TLN2: variants seen among roughly 807,000 people sequenced by gnomAD.
The protein encoded by TLN2 is talin-2.
TLN2 carries 118 observed loss-of-function variants against 294.7 expected under a neutral mutation model. The ratio of observed to expected loss-of-function variants is 0.40; its 90% CI spans 0.34 to 0.47. The LOEUF is 0.47. TLN2 is among the 20% of genes least tolerant of loss of function. The pLI is 0.84. For synonymous variants in TLN2, 1,431 were observed against 1,304.5 expected (o/e 1.10, Z -2.09); for missense variants, 3,083 against 3,282.2 (o/e 0.94, Z 1.48).
Position 62,766,320 on chromosome 15 carries a change from G to A in TLN2, c.5095-1G>A. 6.2e-7 allele frequency: 1 copy of A among 1,610,806 alleles called. No individual in the cohort carries two copies. Among genetic ancestry groups the A allele is most frequent in the East Asian group, 2.2e-5 (1 of 44,756 alleles). On this transcript the variant is annotated splice_acceptor_variant, in intron 40 of 58. Transcript: ENST00000636159. LOFTEE classifies it high-confidence loss of function. ...GAACTTGACACTTCTCTCCTTATCA[G>A]GCCCTGCAGGAGCAGCTGACTTCGG...
At chr15:62,760,339 G>A (rs1005432863) in intron 37 of TLN2, among the ~76,000 whole-genome samples, 8 of 152,146 alleles carry the variant, frequency 5.3e-5, no homozygotes, top group South Asian at 2.1e-4. Flanking sequence ...TTCAGAAATC[G>A]CCTTCAAACC....
chr15:62,549,664 T>C (rs1379421233), intron 1 of TLN2, among the ~76,000 whole-genome samples: 1 of 152,208 alleles, frequency 6.6e-6, no homozygotes, highest in East Asian at 1.9e-4. Flanking sequence ...GTATATACTG[T>C]ATGTAGTGTG....
intron 3 of TLN2, among the ~76,000 whole-genome samples, chr15:62,642,068 T>A (rs1034323729): frequency 4.6e-5 from 7 of 152,230 alleles, no homozygotes; most frequent in Admixed American, 4.6e-4. Flanking sequence ...TTTCGTCAGC[T>A]CCGCTTCCAC....
At chr15:62,459,052 G>A (rs1445208404) in intron 1 of TLN2, among the ~76,000 whole-genome samples, 1 of 151,846 alleles carries the variant, frequency 6.6e-6, no homozygotes, top group Non-Finnish European at 1.5e-5. Context: ...CCAGGCTGGA[G>A]TATAGTGGCG....
intron 1 of TLN2, among the ~76,000 whole-genome samples, chr15:62,589,085 C>CGT (rs1044226762): frequency 5.7e-4 from 87 of 152,172 alleles, no homozygotes; most frequent in African/African-American, 2.0e-3. Context: ...TCGTAGATAA[C>CGT]GTGTGTGTGT....
intron 3 of TLN2, among the ~76,000 whole-genome samples, chr15:62,635,032 C>T (rs1186308188): frequency 6.6e-6 from 1 of 152,226 alleles, no homozygotes; most frequent in African/African-American, 2.4e-5. Context: ...TCCCTTGCAG[C>T]TTGAGCCCTG....
chr15:62,406,977 C>T (rs761070100), intron 1 of TLN2, among the ~76,000 whole-genome samples: 16 of 152,238 alleles, frequency 1.1e-4, no homozygotes, highest in Non-Finnish European at 1.2e-4. Flanking sequence ...ATGGGGGGTA[C>T]AATTCAACCT....
chr15:62,798,122 A>G (rs984250138), intron 48 of TLN2, among the ~76,000 whole-genome samples: 2 of 152,178 alleles, frequency 1.3e-5, no homozygotes, highest in African/African-American at 4.8e-5. Context: ...ATCGAGTGCC[A>G]TCGAGGACAT....
At chr15:62,435,634 C>A (rs894243178) in intron 1 of TLN2, among the ~76,000 whole-genome samples, 1 of 152,138 alleles carries the variant, frequency 6.6e-6, no homozygotes. Context: ...TTCTGCCTCC[C>A]GGGTTCGAGC....
At chr15:62,620,844 T>C (rs1318991175) in intron 3 of TLN2, among the ~76,000 whole-genome samples, 7 of 134,904 alleles carry the variant, frequency 5.2e-5, no homozygotes, top group Admixed American at 2.2e-4. Context: ...TTTCTTTTTT[T>C]TTTTTTTTTT....
In TLN2 at chr15:62,796,207, G is replaced by C; in HGVS notation, c.5964G>C (p.Gly1988=). ...TTACAGCCGCCACCGCTGTGTCTGGGATCATTGCCGACCTGGACACCACCA... is the reference window on the plus strand; with the variant it reads ...TTACAGCCGCCACCGCTGTGTCTGGCATCATTGCCGACCTGGACACCACCA... The part of the protein sequence containing the change: ...ACITAATAVS[G]IIADLDTTIM... Residue 1988 remains glycine, a synonymous_variant, in exon 47 of 59, where the codon GGG becomes GGC. Transcript: ENST00000636159. 6.2e-7 allele frequency: 1 copy of C among 1,614,216 alleles called. No individual in the cohort carries two copies. Among genetic ancestry groups the C allele is most frequent in the Non-Finnish European group, 8.5e-7 (1 of 1,180,042 alleles).
At chr15:62,411,650 G>A (rs988365350) in intron 1 of TLN2, among the ~76,000 whole-genome samples, 9 of 152,152 alleles carry the variant, frequency 5.9e-5, no homozygotes, top group African/African-American at 2.2e-4. Flanking sequence ...GCTGAATTAT[G>A]CTAACAGGTG....
intron 1 of TLN2, among the ~76,000 whole-genome samples, chr15:62,467,384 A>G (rs187878600): frequency 6.6e-6 from 1 of 152,346 alleles, no homozygotes; most frequent in Non-Finnish European, 1.5e-5. Context: ...TTACTCAGGT[A>G]ATATGGAAGA....
In TLN2 at chr15:62,697,815, C is replaced by T; in HGVS notation, c.1420C>T (p.Pro474Ser). ...ETFNVGSMPS[P>S]QQQVMVGQMH... ...CTTCAACGTTGGCAGCATGCCCTCG[C>T]CACAGCAGCAGGTCATGGTTGGGCA... Residue 474 changes from proline (P) to serine (S), a missense_variant, in exon 15 of 59, where the codon CCA (proline) becomes TCA (serine). Pro to Ser is a moderately conservative substitution (Grantham distance 74). Transcript: ENST00000636159. The T allele has an allele frequency of 6.2e-7, 1 of 1,613,128 alleles. No individual in the cohort carries two copies. The highest frequency in any genetic ancestry group is 8.5e-7 in the Non-Finnish European group (1 of 1,179,906).
Position 62,755,528 on chromosome 15 carries a change from G to A in TLN2, c.4477-4G>A. The A allele has an allele frequency of 1.2e-6, 2 of 1,614,006 alleles. No individual in the cohort carries two copies. On this transcript the variant is annotated splice_region_variant and splice_polypyrimidine_tract_variant and intron_variant, in intron 36 of 58. Coordinates refer to ENST00000636159, the MANE Select transcript of TLN2 (RefSeq NM_015059.3). ...TACCCCCAACCTAGCTCCATGCTTTGTAGGTCCTGTCAGCCGCCACAATTG... is the reference window on the plus strand; with the variant it reads ...TACCCCCAACCTAGCTCCATGCTTTATAGGTCCTGTCAGCCGCCACAATTG...
At chr15:62,707,061 A>G (rs1272906143) in intron 19 of TLN2, 25 bp from the exon 20 acceptor site, 1 of 1,581,648 alleles carries the variant, frequency 6.3e-7, no homozygotes, top group Non-Finnish European at 8.6e-7. Context: ...AAATAAATGA[A>G]TAGTCTTTGA....
At chr15:62,660,093 A>G (rs747283640) in intron 9 of TLN2, among the ~76,000 whole-genome samples, 13 of 152,222 alleles carry the variant, frequency 8.5e-5, no homozygotes, top group South Asian at 2.1e-4. Context: ...GACTTGTGAC[A>G]GTCATGCTGA....
chr15:62,720,648 G>GGTGTGTGTGTGTGTGT (rs5813167), intron 25 of TLN2, among the ~76,000 whole-genome samples: 22 of 149,098 alleles, frequency 1.5e-4, no homozygotes, highest in Admixed American at 1.5e-3. Context: ...ATACAACACA[G>GGTGTGTGTGTGTGTGT]GTGTGTGTGT....
chr15:62,565,917 T>C (rs953918460), intron 1 of TLN2, among the ~76,000 whole-genome samples: 5 of 106,152 alleles, frequency 4.7e-5, no homozygotes, highest in African/African-American at 1.6e-4. Context: ...TAGCTGTGTG[T>C]GTGTGTGTGT....
Sources: gnomAD v4.1 joint callset for allele counts (sites outside exome capture counted in the v4.1 genomes callset) on GRCh38, gnomAD v4.1.1 for gene constraint, MANE v1.5 for transcripts, NCBI Gene and HGNC (gene_info 2026-07-23, HGNC 2026-07-21) for gene names.